The following PUM1 variants were observed in gnomAD, a reference collection of about 807,000 sequenced individuals.
PUM1 encodes the protein pumilio homolog 1.
In PUM1, 13 loss-of-function variants were observed where a neutral mutation model predicts 131.8. The ratio of observed to expected loss-of-function variants is 0.10; its 90% CI spans 0.06 to 0.16. The LOEUF (loss-of-function observed/expected upper bound fraction) is 0.16, where lower values mean the gene tolerates loss of function less well. Among genes scored for constraint, PUM1 ranks in the 10% least tolerant of loss-of-function variants. The probability of loss-of-function intolerance (pLI) is 1.00; values close to 1 mark genes in which losing one functional copy is unlikely to be tolerated. For missense variants in PUM1, 961 were observed against 1,512.4 expected (o/e 0.64, Z 6.05); for synonymous variants, 509 against 556.5 (o/e 0.91, Z 1.20).
At chr1:30,937,141 G>A (rs1349514970) in intron 20 of PUM1, among the ~76,000 whole-genome samples, 1 of 152,164 alleles carries the variant, frequency 6.6e-6, no homozygotes, top group East Asian at 1.9e-4. Context: ...ACCACCCAGA[G>A]AGACCAGGTC....
chr1:30,952,200 C>T lies in PUM1; in HGVS notation c.2721+34G>A, dbSNP rs756144935. 3.1e-6 allele frequency: 5 copies of T among 1,603,412 alleles called. No homozygotes were observed. In the East Asian group the frequency reaches 6.7e-5, roughly 21 times the overall value. Reference sequence around the variant, plus strand: ...AAAATCAAAATGCTCTGCAGATTCTCTTAAGTCAAAGGATAGAAAGAACAA... The same window carrying T: ...AAAATCAAAATGCTCTGCAGATTCTTTTAAGTCAAAGGATAGAAAGAACAA... On this transcript the variant is annotated intron_variant, in intron 16 of 21. Coordinates refer to ENST00000426105, the MANE Select transcript of PUM1 (RefSeq NM_001020658.2).
chr1:30,936,873 G>C (rs1394171287), intron 20 of PUM1, 38 bp from the exon 21 acceptor site: 4 of 1,520,116 alleles, frequency 2.6e-6, no homozygotes, highest in Admixed American at 1.8e-5. Context: ...TCTTACAAGA[G>C]AGGCCCCTGT....
intron 2 of PUM1, among the ~76,000 whole-genome samples, chr1:31,051,531 G>A (rs1410604592): frequency 2.6e-5 from 4 of 152,014 alleles, no homozygotes; most frequent in African/African-American, 9.7e-5. Context: ...TCCAACTCCT[G>A]ACCTCAGGTG....
intron 10 of PUM1, among the ~76,000 whole-genome samples, chr1:30,968,911 C>A (rs556797975): frequency 6.6e-6 from 1 of 152,154 alleles, no homozygotes; most frequent in Non-Finnish European, 1.5e-5. Flanking sequence ...ACCGACAAAG[C>A]CCCTGTCCTC....
intron 18 of PUM1, 71 bp from the exon 19 acceptor site, chr1:30,942,194 TATATATATATATATATA>T (rs1639471230): frequency 0.016 from 2,674 of 163,346 alleles, 504 homozygotes; most frequent in South Asian, 0.027. Context: ...GTATTGTTTA[TATATATATATATATATA>T]TATATATATA....
chr1:31,019,761 G>A (rs1377719208), intron 3 of PUM1, among the ~76,000 whole-genome samples: 1 of 152,196 alleles, frequency 6.6e-6, no homozygotes, highest in Non-Finnish European at 1.5e-5. Context: ...CAGACTGACA[G>A]TAAAGTATGT....
chr1:30,959,738 T>G (rs1446462743), intron 14 of PUM1, among the ~76,000 whole-genome samples: 2 of 151,676 alleles, frequency 1.3e-5, no homozygotes, highest in Admixed American at 6.6e-5. Context: ...AAACCCCATC[T>G]CTACAAAAAA....
At chr1:31,054,248 C>G (rs540631129) in intron 2 of PUM1, among the ~76,000 whole-genome samples, 9 of 152,080 alleles carry the variant, frequency 5.9e-5, no homozygotes, top group African/African-American at 2.2e-4. Context: ...TCGCTTGAGC[C>G]GAGGAGGCAG....
intron 2 of PUM1, among the ~76,000 whole-genome samples, chr1:31,049,392 G>A (rs189433657): frequency 2.0e-5 from 3 of 151,582 alleles, no homozygotes; most frequent in East Asian, 1.9e-4. Flanking sequence ...AGCATGTGCC[G>A]GTAATCCCAG....
chr1:31,024,881 G>A (rs1348216932), intron 3 of PUM1, among the ~76,000 whole-genome samples: 2 of 152,148 alleles, frequency 1.3e-5, no homozygotes, highest in African/African-American at 4.8e-5. Flanking sequence ...GAGCCCAGAA[G>A]CCCAAGGTCA....
chr1:30,944,745 T>C (rs1310147313), intron 18 of PUM1, among the ~76,000 whole-genome samples: 3 of 152,228 alleles, frequency 2.0e-5, no homozygotes, highest in South Asian at 2.1e-4. Flanking sequence ...TCAGAATAAA[T>C]AGTACTTAAC....
intron 13 of PUM1, among the ~76,000 whole-genome samples, chr1:30,965,323 AAGCCTG>A (rs1272777984): frequency 2.2e-4 from 33 of 152,308 alleles, no homozygotes; most frequent in African/African-American, 6.0e-4. Flanking sequence ...TTCTATATGA[AAGCCTG>A]TTTTCTCAGT....
chr1:31,031,440 C>T (rs560261950), intron 2 of PUM1, among the ~76,000 whole-genome samples: 20 of 152,256 alleles, frequency 1.3e-4, no homozygotes, highest in African/African-American at 4.8e-4. Context: ...AGTGATTATT[C>T]CCATTTTAGA....
At chr1:30,985,368 A>G (rs1056867419) in intron 7 of PUM1, among the ~76,000 whole-genome samples, 2 of 152,112 alleles carry the variant, frequency 1.3e-5, no homozygotes, top group Admixed American at 6.5e-5. Flanking sequence ...AAGAGTCTAA[A>G]TCAGCCAGGC....
At chr1:31,057,756 G>A (rs1196292138) in intron 2 of PUM1, among the ~76,000 whole-genome samples, 1 of 148,612 alleles carries the variant, frequency 6.7e-6, no homozygotes, top group African/African-American at 2.5e-5. Context: ...AACAACTATG[G>A]TTCACTTTTG....
chr1:30,954,033 C>T, intron 14 of PUM1, 52 bp from the exon 15 acceptor site: 1 of 1,562,078 alleles, frequency 6.4e-7, no homozygotes, highest in Non-Finnish European at 8.7e-7. Context: ...CAACTTCATT[C>T]AAGAGAGAAA....
chr1:30,956,445 G>A (rs2124422554), intron 14 of PUM1, among the ~76,000 whole-genome samples: 1 of 152,102 alleles, frequency 6.6e-6, no homozygotes, highest in African/African-American at 2.4e-5. Context: ...TGTACTTTTA[G>A]TAGAGATGGG....
At chr1:30,956,569 T>C (rs1354964617) in intron 14 of PUM1, among the ~76,000 whole-genome samples, 4 of 152,172 alleles carry the variant, frequency 2.6e-5, no homozygotes, top group Admixed American at 1.3e-4. Flanking sequence ...CGGCCAAGAC[T>C]GTTCTTTATT....
chr1:31,008,289 G>A (rs920917694), intron 3 of PUM1, among the ~76,000 whole-genome samples: 1 of 151,984 alleles, frequency 6.6e-6, no homozygotes, highest in African/African-American at 2.4e-5. Flanking sequence ...CCTTTAAGTG[G>A]CTCTATAATC....
Sources: allele counts gnomAD v4.1 joint callset (sites outside exome capture counted in the v4.1 genomes callset), GRCh38; gene constraint gnomAD v4.1.1; transcripts MANE v1.5; gene names NCBI Gene and HGNC (gene_info 2026-07-23, HGNC 2026-07-21).